The following DUSP19 variants were observed in gnomAD, a reference collection of about 807,000 sequenced individuals.
DUSP19 encodes the protein dual specificity phosphatase 19.
A neutral mutation model predicts 16.6 loss-of-function variants in DUSP19; 14 were observed. The ratio of observed to expected loss-of-function variants is 0.84; its 90% confidence interval spans 0.56 to 1.32. DUSP19 has a LOEUF of 1.32. Ranked by LOEUF, DUSP19 falls within the 40% of genes most tolerant of loss-of-function variation. The probability of loss-of-function intolerance (pLI) is 0.00; values close to 1 mark genes in which losing one functional copy is unlikely to be tolerated. For synonymous variants in DUSP19, 81 were observed against 90.5 expected (o/e 0.90, Z 0.59); for missense variants, 258 against 255.9 (o/e 1.01, Z -0.06).
chr2:183,094,273 C>G (rs16823982), intron 3 of DUSP19, among the ~76,000 whole-genome samples: 14,817 of 152,162 alleles, frequency 0.097, 1,008 homozygotes, highest in East Asian at 0.29. Flanking sequence ...ATGTCTGAAT[C>G]GGAAAACTGC....
At chr2:183,092,861 G>A (rs540645093) in intron 3 of DUSP19, among the ~76,000 whole-genome samples, 10 of 151,852 alleles carry the variant, frequency 6.6e-5, no homozygotes, top group South Asian at 2.1e-4. Flanking sequence ...CCAGCACCAC[G>A]CCCAGCTAAT....
At chr2:183,083,944 A>G (rs1444678475) in intron 2 of DUSP19, among the ~76,000 whole-genome samples, 4 of 152,150 alleles carry the variant, frequency 2.6e-5, no homozygotes, top group African/African-American at 7.2e-5. Flanking sequence ...ACTCTACTCC[A>G]TACAACTGAT....
At position 183,095,537 on chromosome 2, in the gene DUSP19, C is replaced by T. The variant is rs1003374103; in HGVS notation, c.533C>T (p.Ser178Phe). The T allele has an allele frequency of 2.8e-5, 45 of 1,611,866 alleles. No homozygotes were observed. The highest frequency in any genetic ancestry group is 3.6e-5 in the Non-Finnish European group (42 of 1,179,092). ...SEQTSFTSAF[S>F]LVKNARPSIC... Reference sequence around the variant, plus strand: ...CAAACCTCATTTACCAGTGCTTTTTCTTTGGTGAAAAATGCAAGACCTTCC... The same window carrying T: ...CAAACCTCATTTACCAGTGCTTTTTTTTTGGTGAAAAATGCAAGACCTTCC... Residue 178 changes from serine (S) to phenylalanine (F), a missense_variant, in exon 4 of 4, where the codon TCT becomes TTT. Physicochemically the swap from Ser to Phe is radical, Grantham distance 155 (BLOSUM62 -2). Transcript: ENST00000354221.
intron 1 of DUSP19, among the ~76,000 whole-genome samples, chr2:183,081,747 A>G (rs919748768): frequency 6.6e-6 from 1 of 152,244 alleles, no homozygotes; most frequent in Non-Finnish European, 1.5e-5. Context: ...TTTAAGTATA[A>G]TAAAGCTGAA....
intron 3 of DUSP19, among the ~76,000 whole-genome samples, chr2:183,093,708 A>G (rs765033097): frequency 9.2e-5 from 14 of 152,302 alleles, no homozygotes; most frequent in Admixed American, 4.6e-4. Context: ...ATTAGCTAAA[A>G]TTGGATGCAC....
rs1277782707 is a variant in DUSP19, at chr2:183,079,142, A to C, written c.209A>C (p.Lys70Thr). Reference sequence around the variant, plus strand: ...TCGGACCTGCAAGTTGGCGTTATTAAGCCATGGTTGCTCCTAGGTGAGTAT... The same window carrying C: ...TCGGACCTGCAAGTTGGCGTTATTACGCCATGGTTGCTCCTAGGTGAGTAT... Reference protein sequence around the residue: ...LSSDLQVGVIKPWLLLGSQDA... With the variant: ...LSSDLQVGVITPWLLLGSQDA... The change falls in exon 1 of 4, where the codon AAG becomes ACG. Residue 70 changes from lysine to threonine, a missense_variant. Lys to Thr is a moderately conservative substitution (Grantham distance 78). Transcript: ENST00000354221. 3 of 1,613,840 alleles carry C rather than the reference A, an allele frequency of 1.9e-6. No individual in the cohort carries two copies. The highest frequency in any genetic ancestry group is 2.2e-5 in the South Asian group (2 of 91,050).
At chr2:183,086,721 G>A (rs901794250) in intron 2 of DUSP19, among the ~76,000 whole-genome samples, 1 of 151,808 alleles carries the variant, frequency 6.6e-6, no homozygotes, top group Non-Finnish European at 1.5e-5. Flanking sequence ...TACTTGGGAG[G>A]CTGAGGCAGG....
intron 3 of DUSP19, among the ~76,000 whole-genome samples, chr2:183,094,630 A>G (rs997642605): frequency 2.6e-5 from 4 of 152,144 alleles, no homozygotes; most frequent in Non-Finnish European, 5.9e-5. Context: ...TATCATTTGC[A>G]AGTTACCTGA....
rs1472609505 is a variant in DUSP19 at position 183,098,068 on chromosome 2, T to G, written c.*2410T>G. ...CACCATGCCCAGCAAATTTTGTATT[T>G]TTTTTTGGTAGAGACAGGGTTCAAC... is the stretch of plus-strand genomic sequence containing the variant. On this transcript the variant is annotated 3_prime_UTR_variant, in exon 4 of 4. Transcript: ENST00000354221. The G allele has an allele frequency of 2.6e-5, 4 of 152,196 alleles. No homozygotes were observed. The highest frequency in any genetic ancestry group is 2.0e-4 in the Admixed American group (3 of 15,284). 9.4% of individuals were successfully genotyped at this position (152,196 alleles called of 1,614,324 possible).
intron 3 of DUSP19, among the ~76,000 whole-genome samples, chr2:183,087,447 T>C (rs1264727008): frequency 6.6e-6 from 1 of 152,242 alleles, no homozygotes; most frequent in Non-Finnish European, 1.5e-5. Flanking sequence ...ATGATTAATA[T>C]GCATTTGATT....
At chr2:183,084,214 T>C (rs1317612333) in intron 2 of DUSP19, among the ~76,000 whole-genome samples, 1 of 151,982 alleles carries the variant, frequency 6.6e-6, no homozygotes, top group East Asian at 1.9e-4. Flanking sequence ...TGGTTTGTTT[T>C]TGGGGGGATA....
chr2:183,082,822 G>A (rs1341442065), intron 1 of DUSP19, among the ~76,000 whole-genome samples: 3 of 146,700 alleles, frequency 2.0e-5, no homozygotes, highest in Non-Finnish European at 3.0e-5. Context: ...TCGTTCGTTC[G>A]TTCGTTCCTT....
rs1699851757 is a variant in DUSP19 at position 183,099,869 on chromosome 2, T to A, written c.*4211T>A. On this transcript the variant is annotated 3_prime_UTR_variant, in exon 4 of 4. Transcript: ENST00000354221. Reference sequence around the variant, plus strand: ...AAAATTACCCGGGCATGGTGGTGGGTGCCTGTAATCCCAGCTTCTTAGGAG... The same window carrying A: ...AAAATTACCCGGGCATGGTGGTGGGAGCCTGTAATCCCAGCTTCTTAGGAG... 1 of 151,568 alleles carries A rather than the reference T, an allele frequency of 6.6e-6. No individual in the cohort carries two copies. Among genetic ancestry groups the A allele is most frequent in the Non-Finnish European group, 1.5e-5 (1 of 67,960 alleles). The allele number at this position is 151,568 out of a possible 1,614,324, so 9.4% of individuals were successfully genotyped here. A position where few individuals can be genotyped will look rare whatever the true frequency, so the allele number is the denominator to read the frequency against.
rs1699851361 is a variant in DUSP19, at chr2:183,099,848, T to C, written c.*4190T>C. ...AACCCCATCACTAAAAATACAAAAA[T>C]TACCCGGGCATGGTGGTGGGTGCCT... On this transcript the variant is annotated 3_prime_UTR_variant, in exon 4 of 4. Transcript: ENST00000354221. 1 of 151,548 alleles carries C rather than the reference T, an allele frequency of 6.6e-6. No individual in the cohort carries two copies. Among genetic ancestry groups the C allele is most frequent in the Non-Finnish European group, 1.5e-5 (1 of 67,916 alleles). 9.4% of individuals were successfully genotyped at this position (151,548 alleles called of 1,614,324 possible).
In DUSP19 at chr2:183,091,165, T is replaced by C. The variant is rs574358655; in HGVS notation, c.426+3973T>C. Among the ~76,000 whole-genome samples, 61 of 152,296 alleles carry C rather than the reference T, an allele frequency of 4.0e-4. 1 individual carries two copies. The highest frequency in any genetic ancestry group is 1.4e-3 in the African/African-American group (60 of 41,558). ...TGCTATGAGACATGTAAGCTGTTTG[T>C]AGTTTTTTGTTCAATAGAAGTAAAA... On this transcript the variant is annotated intron_variant, in intron 3 of 3. Coordinates refer to ENST00000354221, the MANE Select transcript of DUSP19 (RefSeq NM_080876.4).
At chr2:183,086,529 AG>A (rs1699663727) in intron 2 of DUSP19, among the ~76,000 whole-genome samples, 1 of 151,864 alleles carries the variant, frequency 6.6e-6, no homozygotes, top group African/African-American at 2.4e-5. Context: ...TATATAGGCC[AG>A]GTGTGGTGGC....
At position 183,099,445 on chromosome 2, in the gene DUSP19, A is replaced by G. The variant is rs1699845742; in HGVS notation, c.*3787A>G. The G allele has an allele frequency of 6.6e-6, 1 of 152,222 alleles. No individual in the cohort carries two copies. The highest frequency in any genetic ancestry group is 2.4e-5 in the African/African-American group (1 of 41,462). The allele number at this position is 152,222 out of a possible 1,614,324, so 9.4% of individuals were successfully genotyped here. A position where few individuals can be genotyped will look rare whatever the true frequency, so the allele number is the denominator to read the frequency against. On this transcript the variant is annotated 3_prime_UTR_variant, in exon 4 of 4. Coordinates refer to ENST00000354221, the MANE Select transcript of DUSP19 (RefSeq NM_080876.4). Reference sequence around the variant, plus strand: ...GAAGTTGTATATTCTTGCAATGCATAAAATGACATTATAATCAACAAACTT... The same window carrying G: ...GAAGTTGTATATTCTTGCAATGCATGAAATGACATTATAATCAACAAACTT...
intron 3 of DUSP19, among the ~76,000 whole-genome samples, chr2:183,090,123 T>C (rs1699714388): frequency 6.6e-6 from 1 of 152,110 alleles, no homozygotes; most frequent in Admixed American, 6.5e-5. Flanking sequence ...ATTTTTTTCA[T>C]TTTTTTTAAG....
In DUSP19 at chr2:183,087,411, G is replaced by A. The variant is rs150100239; in HGVS notation, c.426+219G>A. Among the ~76,000 whole-genome samples, 382 of 152,286 alleles carry A rather than the reference G, an allele frequency of 2.5e-3. 2 individuals are homozygous for A. Among genetic ancestry groups the A allele is most frequent in the African/African-American group, 8.9e-3 (371 of 41,548 alleles). ...TAATTCAGACTATAAAACAGAGACT[G>A]CTCTAGACTTGTTAGTGTATTTATG... On this transcript the variant is annotated intron_variant, in intron 3 of 3. Transcript: ENST00000354221.
Sources: gnomAD v4.1 joint callset for allele counts (sites outside exome capture counted in the v4.1 genomes callset) on GRCh38, gnomAD v4.1.1 for gene constraint, MANE v1.5 for transcripts, NCBI Gene and HGNC (gene_info 2026-07-23, HGNC 2026-07-21) for gene names.